Variants in SPHK2 observed in about 807,000 individuals in gnomAD.
SPHK2 encodes sphingosine kinase 2.
Under a neutral mutation model 32.3 loss-of-function variants are expected in SPHK2, and 18 were observed. The observed-to-expected ratio is 0.56, with a 90% CI of 0.39 to 0.83. The LOEUF (loss-of-function observed/expected upper bound fraction) is 0.83. Among genes scored for constraint, SPHK2 ranks in the 40% least tolerant of loss-of-function variants. The pLI is 0.00. For missense variants in SPHK2, 850 were observed against 908.7 expected (o/e 0.94, Z 0.83); for synonymous variants, 462 against 417.6 (o/e 1.11, Z -1.30).
At chr19:48,623,832 A>G (rs971082540) in intron 2 of SPHK2, 1 of 151,796 alleles carries the variant, frequency 6.6e-6, no homozygotes, top group African/African-American at 2.4e-5. Flanking sequence ...CACATTCTCA[A>G]TCCCACTGTT....
chr19:48,620,691 A>G, intron 2 of SPHK2, 138 bp downstream of exon 2: 1 of 688,546 alleles, frequency 1.5e-6, no homozygotes. Context: ...TGGGAGGCCA[A>G]GGCCTGCGGA....
At position 48,629,825 on chromosome 19, in the gene SPHK2, C is replaced by T; in HGVS notation, c.*52C>T. On this transcript the variant is annotated 3_prime_UTR_variant, in exon 7 of 7. Transcript: ENST00000245222. ...GGGCGGGGCCTACATTCCAATGGGG[C>T]GGAGCCTGAGCTAGGGGGTGTGGCC... The T allele has an allele frequency of 6.6e-7, 1 of 1,513,784 alleles. No individual in the cohort carries two copies. The highest frequency in any genetic ancestry group is 8.8e-7 in the Non-Finnish European group (1 of 1,130,962). The allele number at this position is 1,513,784 out of a possible 1,614,324, so 93.8% of individuals were successfully genotyped here.
chr19:48,624,943 C>T (rs1974547320), intron 2 of SPHK2: 1 of 970,156 alleles, frequency 1.0e-6, no homozygotes, highest in Non-Finnish European at 1.2e-6. Flanking sequence ...GGTGGCTGGG[C>T]GGGGCAGTGG....
At position 48,625,440 on chromosome 19, in the gene SPHK2, T is replaced by A. The variant is rs1336413189; in HGVS notation, c.40-451T>A. 4.2e-6 allele frequency: 5 copies of A among 1,188,686 alleles called. No homozygotes were observed. In the East Asian group the frequency reaches 2.4e-4, roughly 57 times the overall value. 73.6% of individuals were successfully genotyped at this position (1,188,686 alleles called of 1,614,324 possible). The stretch of plus-strand genomic sequence containing the variant: ...GGAGGTGTGTCTTTCAGTCTTTGCA[T>A]GTCTGTTTCTGCATATCCAATCCCA... On this transcript the variant is annotated intron_variant, in intron 2 of 6. Coordinates refer to ENST00000245222, the MANE Select transcript of SPHK2 (RefSeq NM_020126.5).
Position 48,620,413 on chromosome 19 carries a change from A to G in SPHK2, c.-102A>G, listed in dbSNP as rs1362691549. The stretch of plus-strand genomic sequence containing the variant: ...CCTCTCCTCCACAGAGCTGAAGGTC[A>G]GGCCAGGACAGTGAGACCTGACTCC... On this transcript the variant is annotated 5_prime_UTR_variant, in exon 2 of 7. Transcript: ENST00000245222. 2.1e-6 allele frequency: 2 copies of G among 965,044 alleles called. No individual in the cohort carries two copies. The highest frequency in any genetic ancestry group is 1.7e-5 in the African/African-American group (1 of 60,286). The allele number at this position is 965,044 out of a possible 1,614,324, so 59.8% of individuals were successfully genotyped here. A position where few individuals can be genotyped will look rare whatever the true frequency, so the allele number is the denominator to read the frequency against.
rs1974558573 is a variant in SPHK2 at position 48,625,197 on chromosome 19, T to C, written c.40-694T>C. 1.6e-5 allele frequency: 17 copies of C among 1,035,740 alleles called. No homozygotes were observed. The South Asian group carries it at 5.4e-4, about 33-fold the overall frequency. 64.2% of individuals were successfully genotyped at this position (1,035,740 alleles called of 1,614,324 possible). On this transcript the variant is annotated intron_variant, in intron 2 of 6. Transcript: ENST00000245222. ...TCCAGCTGTCTCCATGCCTGCCTCG[T>C]ACCCCTCCTATTTGCTCTCCCTTCC... is the stretch of plus-strand genomic sequence containing the variant.
At chr19:48,621,232 A>G (rs947406614) in intron 2 of SPHK2, among the ~76,000 whole-genome samples, 3 of 152,138 alleles carry the variant, frequency 2.0e-5, no homozygotes, top group African/African-American at 7.2e-5. Flanking sequence ...GGCATGCGCC[A>G]CCACACCCAG....
In SPHK2 at chr19:48,628,470, C is replaced by T. The variant is rs2030191473; in HGVS notation, c.872+193C>T. The T allele has an allele frequency of 1.1e-6, 1 of 892,494 alleles. No individual in the cohort carries two copies. Among genetic ancestry groups the T allele is most frequent in the Non-Finnish European group, 1.9e-6 (1 of 536,080 alleles). The allele number at this position is 892,494 out of a possible 1,614,324, so 55.3% of individuals were successfully genotyped here. A position where few individuals can be genotyped will look rare whatever the true frequency, so the allele number is the denominator to read the frequency against. ...CCCGAGCGCCCAGAACTCTGCCTGG[C>T]ATGGGAGGCACTCAGTGAATTGTAG... On this transcript the variant is annotated intron_variant, in intron 6 of 6. Transcript: ENST00000245222. This position sits in a 1 kb window ranked among gnomAD's most constrained non-coding sequence, Gnocchi z 5.2.
Position 48,628,832 on chromosome 19 carries a change from G to C in SPHK2, c.1024G>C (p.Asp342His). 6 of 1,613,816 alleles carry C rather than the reference G, an allele frequency of 3.7e-6. No homozygotes were observed. Among genetic ancestry groups the C allele is most frequent in the Non-Finnish European group, 5.1e-6 (6 of 1,180,026 alleles). ...GTCTGTGGCCTGGGGCTTCGTGTCA[G>C]ATGTGGATATCCAGAGCGAGCGCTT... ...FLSVAWGFVSDVDIQSERFRA... is the reference protein window; with the variant it reads ...FLSVAWGFVSHVDIQSERFRA... The change falls in exon 7 of 7, where the codon GAT (aspartate) becomes CAT (histidine). Residue 342 changes from aspartate to histidine, a missense_variant. Asp to His is a moderately conservative substitution (Grantham distance 81). Coordinates refer to ENST00000245222, the MANE Select transcript of SPHK2 (RefSeq NM_020126.5). This position sits in a 1 kb window ranked among gnomAD's most constrained non-coding sequence, Gnocchi z 5.2.
chr19:48,629,080 TC>T lies in SPHK2; in HGVS notation c.1273del (p.Leu425PhefsTer68), dbSNP rs1463651507. The T allele has an allele frequency of 6.2e-7, 1 of 1,613,310 alleles. No individual in the cohort carries two copies. ...TGCATCGTTCTGTGTCTGACCTGCC[TC>T]TTCCCCTGCCCCAGCCTGCCCTGGC... ...PLHRSVSDLP[L>X]PLPQPALASP... On this transcript the variant is annotated frameshift_variant, in exon 7 of 7. Transcript: ENST00000245222. LOFTEE classifies it low-confidence loss of function (END_TRUNC).
chr19:48,625,260 T>C, intron 2 of SPHK2: 2 of 1,076,480 alleles, frequency 1.9e-6, no homozygotes, highest in African/African-American at 1.7e-5. Context: ...GAAAAAGTCT[T>C]ACTCTCTTAA....
At chr19:48,624,785 T>G in intron 2 of SPHK2, 88 of 425,012 alleles carry the variant, frequency 2.1e-4, no homozygotes, top group Non-Finnish European at 2.6e-4. Flanking sequence ...CAGGGCAGGT[T>G]TGGGGGTGAA....
Position 48,625,989 on chromosome 19 carries a change from C to G in SPHK2, c.138C>G (p.Ala46=). Residue 46 remains alanine, a synonymous_variant, in exon 3 of 7, where the codon GCC becomes GCG. Coordinates refer to ENST00000245222, the MANE Select transcript of SPHK2 (RefSeq NM_020126.5). The stretch of plus-strand genomic sequence containing the variant: ...CCCCGCCCCCACCGCCACTGGCTGC[C>G]AGCACCCCGCTCCTCCATGGCGAGT... ...AMAPPPPPLA[A]STPLLHGEFG... is the part of the protein sequence containing the mutation. The G allele has an allele frequency of 6.2e-7, 1 of 1,613,322 alleles. No homozygotes were observed. Among genetic ancestry groups the G allele is most frequent in the Non-Finnish European group, 8.5e-7 (1 of 1,179,904 alleles).
At chr19:48,625,408 G>T in intron 2 of SPHK2, 1 of 1,179,550 alleles carries the variant, frequency 8.5e-7, no homozygotes, top group South Asian at 1.6e-5. Flanking sequence ...GGGGGTGGGG[G>T]TGTCGGGGAG....
chr19:48,630,114 G>A lies in SPHK2; in HGVS notation c.*341G>A, dbSNP rs536595061. On this transcript the variant is annotated 3_prime_UTR_variant, in exon 7 of 7. Coordinates refer to ENST00000245222, the MANE Select transcript of SPHK2 (RefSeq NM_020126.5). The surrounding 1 kb of genome is among the most constrained non-coding windows in gnomAD (Gnocchi z 4.9). Reference sequence around the variant, plus strand: ...GAGGGCGGAGTCTATTTTACGCGTCGCCCAATGACAGGACCTGGAATGTAC... The same window carrying A: ...GAGGGCGGAGTCTATTTTACGCGTCACCCAATGACAGGACCTGGAATGTAC... 26 of 1,255,484 alleles carry A rather than the reference G, an allele frequency of 2.1e-5. No homozygotes were observed. The African/African-American group carries it at 3.4e-4, about 16-fold the overall frequency. 77.8% of individuals were successfully genotyped at this position (1,255,484 alleles called of 1,614,324 possible).
rs1974609265 is a variant in SPHK2, at chr19:48,626,131, T to C, written c.280T>C (p.Leu94=). 1.9e-6 allele frequency: 3 copies of C among 1,606,538 alleles called. No homozygotes were observed. The highest frequency in any genetic ancestry group is 2.7e-5 in the African/African-American group (2 of 74,776). The part of the protein sequence containing the change: ...EARPRGGLVP[L]AEVSGCCTLR... ...CAGGCCCCGGGGTGGCCTGGTCCCG[T>C]TGGCCGAGGTCTCAGGCTGCTGCAC... Residue 94 remains leucine, a synonymous_variant, in exon 3 of 7, where the codon TTG becomes CTG. Coordinates refer to ENST00000245222, the MANE Select transcript of SPHK2 (RefSeq NM_020126.5).
In SPHK2 at chr19:48,625,982, T is replaced by C. The variant is rs762821228; in HGVS notation, c.131T>C (p.Leu44Pro). 1 of 1,613,218 alleles carries C rather than the reference T, an allele frequency of 6.2e-7. No homozygotes were observed. Among genetic ancestry groups the C allele is most frequent in the South Asian group, 1.1e-5 (1 of 91,066 alleles). ...GCCATGGCCCCGCCCCCACCGCCAC[T>C]GGCTGCCAGCACCCCGCTCCTCCAT... is the stretch of plus-strand genomic sequence containing the variant. ...AKAMAPPPPP[L>P]AASTPLLHGE... The change falls in exon 3 of 7, where the codon CTG (leucine) becomes CCG (proline). Residue 44 changes from leucine to proline, a missense_variant. Physicochemically the swap from Leu to Pro is moderately conservative, Grantham distance 98. Around this residue, in one of 2 missense-constraint regions of SPHK2, gnomAD observed 544 missense variants for 640.0 expected, o/e 0.85. Transcript: ENST00000245222.
At position 48,629,701 on chromosome 19, in the gene SPHK2, A is replaced by G. The variant is rs747564378; in HGVS notation, c.1893A>G (p.Leu631=). ...GGGAGCAGGTGGAGTATGGGCCGCTACAGGCACAGATGCACCCTGGCATCG... is the reference window on the plus strand; with the variant it reads ...GGGAGCAGGTGGAGTATGGGCCGCTGCAGGCACAGATGCACCCTGGCATCG... ...VDGEQVEYGP[L]QAQMHPGIGT... is the part of the protein sequence containing the mutation. The change falls in exon 7 of 7, where the codon CTA becomes CTG. Residue 631 remains leucine (L), a synonymous_variant. Transcript: ENST00000245222. The G allele has an allele frequency of 2.5e-6, 4 of 1,610,216 alleles. No homozygotes were observed. The highest frequency in any genetic ancestry group is 3.4e-6 in the Non-Finnish European group (4 of 1,178,596).
chr19:48,625,601 T>C, intron 2 of SPHK2: 1 of 1,465,970 alleles, frequency 6.8e-7, no homozygotes, highest in Non-Finnish European at 9.1e-7. Flanking sequence ...TGTCTCCTGC[T>C]GTGTTTGCTA....
Sources: allele counts gnomAD v4.1 joint callset (sites outside exome capture counted in the v4.1 genomes callset), GRCh38; gene constraint gnomAD v4.1.1; regional missense constraint gnomAD v4.1.1; non-coding constraint Gnocchi (gnomAD v3.1); transcripts MANE v1.5; gene names NCBI Gene and HGNC (gene_info 2026-07-23, HGNC 2026-07-21).